The following BCL2L12 variants were observed in gnomAD, a reference collection of about 807,000 sequenced individuals.
The protein encoded by BCL2L12 is bcl-2-like protein 12.
BCL2L12 carries 27 observed loss-of-function variants against 25.7 expected under a neutral mutation model. The observed-to-expected ratio is 1.05, with a 90% CI of 0.78 to 1.45. The LOEUF (loss-of-function observed/expected upper bound fraction) is 1.45, where lower values mean the gene tolerates loss of function less well. Among genes scored for constraint, BCL2L12 ranks in the 40% most tolerant of loss-of-function variants. The probability of loss-of-function intolerance (pLI) is 0.00; values close to 1 mark genes in which losing one functional copy is unlikely to be tolerated. For synonymous variants in BCL2L12, 132 were observed against 145.6 expected, an observed-to-expected ratio of 0.91 and a Z score of 0.67; for missense variants, 302 against 329.8, an observed-to-expected ratio of 0.92 and a Z score of 0.65.
At position 49,672,370 on chromosome 19, in the gene BCL2L12, G is replaced by A. The variant is rs904792718; in HGVS notation, c.703-1328G>A. 2.0e-5 allele frequency among the ~76,000 whole-genome samples: 3 copies of A among 152,212 alleles called. No individual in the cohort carries two copies. The highest frequency in any genetic ancestry group is 1.9e-4 in the East Asian group (1 of 5,202). ...TAGGGCTACAGTAGGGTGAGCGGGCGACAGATGAGAGGAGGAGAGGCGCCG... is the reference window on the plus strand; with the variant it reads ...TAGGGCTACAGTAGGGTGAGCGGGCAACAGATGAGAGGAGGAGAGGCGCCG... On this transcript the variant is annotated intron_variant, in intron 6 of 6. Transcript: ENST00000246784. This position sits in a 1 kb window ranked among gnomAD's most constrained non-coding sequence, Gnocchi z 4.1.
In BCL2L12 at chr19:49,665,959, C is replaced by G. The variant is rs150028589; in HGVS notation, c.-117C>G. ...CTTTCTACGCTGGGCCGGTTATCGACCCGGCCCAGTGCGCAGGCGCGGGAA... is the reference window on the plus strand; with the variant it reads ...CTTTCTACGCTGGGCCGGTTATCGAGCCGGCCCAGTGCGCAGGCGCGGGAA... On this transcript the variant is annotated 5_prime_UTR_variant, in exon 1 of 7. Transcript: ENST00000246784. 1.2e-6 allele frequency: 2 copies of G among 1,613,528 alleles called. No homozygotes were observed. Among genetic ancestry groups the G allele is most frequent in the South Asian group, 1.1e-5 (1 of 91,040 alleles).
At chr19:49,666,562 C>G in intron 1 of BCL2L12, 123 bp from the exon 2 acceptor site, 2 of 678,240 alleles carry the variant, frequency 2.9e-6, no homozygotes, top group Non-Finnish European at 5.0e-6. Flanking sequence ...CAGACCCACA[C>G]TCTCCAAAGG....
intron 6 of BCL2L12, among the ~76,000 whole-genome samples, chr19:49,671,674 A>G (rs1342285155): frequency 1.3e-5 from 2 of 152,128 alleles, no homozygotes; most frequent in Non-Finnish European, 2.9e-5. Flanking sequence ...TGCTACCTCA[A>G]AGGGTCGCTC....
chr19:49,665,811 G>T (rs2081706657), upstream of BCL2L12: 1 of 1,579,860 alleles, frequency 6.3e-7, no homozygotes, highest in African/African-American at 1.4e-5. Flanking sequence ...TTGGGTAACA[G>T]ACCCAAAAGC....
upstream of BCL2L12, chr19:49,665,771 T>C: frequency 6.4e-7 from 1 of 1,551,084 alleles, no homozygotes; most frequent in Non-Finnish European, 8.7e-7. Context: ...TTTGATCGAC[T>C]TCTTGAAATA....
intron 6 of BCL2L12, among the ~76,000 whole-genome samples, chr19:49,673,396 AGACTCTCTTCCCCATCTCT>A (rs1157082465): frequency 6.6e-6 from 1 of 151,858 alleles, no homozygotes; most frequent in Non-Finnish European, 1.5e-5. Flanking sequence ...TCAAATCCCA[AGACTCTCTTCCCCATCTCT>A]GACTCTGTCC....
In BCL2L12 at chr19:49,669,099, A is replaced by T. The variant is rs1276734430; in HGVS notation, c.413A>T (p.Glu138Val). The T allele has an allele frequency of 6.2e-7, 1 of 1,614,046 alleles. No homozygotes were observed. Among genetic ancestry groups the T allele is most frequent in the South Asian group, 1.1e-5 (1 of 91,056 alleles). The change falls in exon 5 of 7, where the codon GAA (glutamate) becomes GTA (valine). Residue 138 changes from glutamate (E) to valine (V), a missense_variant. Transcript: ENST00000246784. The part of the protein sequence containing the change: ...RLVALLEEEA[E>V]VINQKLASDP... ...GTGGCCCTGCTGGAGGAGGAGGCAG[A>T]AGTCATTAACCAGAAGGTGATGGGC...
chr19:49,668,810 C>A, intron 3 of BCL2L12, 41 bp from the exon 4 acceptor site: 3 of 1,566,054 alleles, frequency 1.9e-6, no homozygotes, highest in Non-Finnish European at 2.6e-6. Context: ...CCGTAAGTTT[C>A]CAATGTCCTG....
intron 3 of BCL2L12, among the ~76,000 whole-genome samples, 169 bp downstream of exon 3, chr19:49,667,330 T>C (rs370500255): frequency 6.6e-6 from 1 of 152,168 alleles, no homozygotes; most frequent in Non-Finnish European, 1.5e-5. Context: ...ATTCTGTGGG[T>C]TGGCTTTCAG....
chr19:49,667,268 C>T, intron 3 of BCL2L12, 107 bp downstream of exon 3: 2 of 1,481,896 alleles, frequency 1.3e-6, no homozygotes, highest in Non-Finnish European at 1.8e-6. Flanking sequence ...TAGCACCAGC[C>T]TTCAGGACAG....
Position 49,665,980 on chromosome 19 carries a change from G to T in BCL2L12, c.-96G>T. The T allele has an allele frequency of 6.2e-7, 1 of 1,611,022 alleles. No individual in the cohort carries two copies. Among genetic ancestry groups the T allele is most frequent in the Non-Finnish European group, 8.5e-7 (1 of 1,178,442 alleles). ...TCGACCCGGCCCAGTGCGCAGGCGC[G>T]GGAAAGTTGAACTAATAAAGTTTGT... On this transcript the variant is annotated 5_prime_UTR_variant, in exon 1 of 7. Coordinates refer to ENST00000246784, the MANE Select transcript of BCL2L12 (RefSeq NM_138639.2).
At position 49,668,839 on chromosome 19, in the gene BCL2L12, T is replaced by C. The variant is rs2081886504; in HGVS notation, c.251-12T>C. On this transcript the variant is annotated splice_polypyrimidine_tract_variant and intron_variant, in intron 3 of 6. Coordinates refer to ENST00000246784, the MANE Select transcript of BCL2L12 (RefSeq NM_138639.2). ...TGTCCTGGAAACCTGTCATTAACTC[T>C]TTTCACCCCAGGCCCAGCTACTCCA... The C allele has an allele frequency of 6.2e-7, 1 of 1,610,478 alleles. No homozygotes were observed. The highest frequency in any genetic ancestry group is 1.7e-5 in the Admixed American group (1 of 59,962).
intron 6 of BCL2L12, 97 bp from the exon 7 acceptor site, chr19:49,673,601 G>A (rs1266731007): frequency 1.1e-5 from 12 of 1,048,404 alleles, no homozygotes; most frequent in East Asian, 4.8e-5. Context: ...CTGGTTCCTC[G>A]CCTTCCCGTC....
At chr19:49,673,590 T>A in intron 6 of BCL2L12, 108 bp from the exon 7 acceptor site, 1 of 946,152 alleles carries the variant, frequency 1.1e-6, no homozygotes, top group Non-Finnish European at 1.7e-6. Context: ...CCCTCCGCTC[T>A]CTGGTTCCTC....
In BCL2L12 at chr19:49,667,124, C is replaced by T. The variant is rs761125433; in HGVS notation, c.213C>T (p.Cys71=). 1 of 1,614,078 alleles carries T rather than the reference C, an allele frequency of 6.2e-7. No homozygotes were observed. Among genetic ancestry groups the T allele is most frequent in the South Asian group, 1.1e-5 (1 of 91,092 alleles). ...CCCCCTCTGAGTCCCCTCGGCCTTG[C>T]TCTCTGCCCATCCGCCCCTGCTATG... ...GAAPSESPRP[C]SLPIRPCYGL... Residue 71 remains cysteine, a synonymous_variant, in exon 3 of 7, where the codon TGC becomes TGT. Coordinates refer to ENST00000246784, the MANE Select transcript of BCL2L12 (RefSeq NM_138639.2).
upstream of BCL2L12, chr19:49,665,659 A>C (rs2081689414): frequency 1.1e-6 from 1 of 885,146 alleles, no homozygotes; most frequent in East Asian, 2.5e-5. Flanking sequence ...GCGTGCGGGC[A>C]GCTGGAACCC....
In BCL2L12 at chr19:49,672,046, A is replaced by G. The variant is rs183649673; in HGVS notation, c.702+1558A>G. On this transcript the variant is annotated intron_variant, in intron 6 of 6. Transcript: ENST00000246784. The surrounding 1 kb of genome is among the most constrained non-coding windows in gnomAD (Gnocchi z 4.1). ...TTCTTTGTTGGTGTCTCCCACCTCT[A>G]ACACATCAGCTTCAGGAGACCCAGA... 2 of 152,486 alleles carry G rather than the reference A, an allele frequency of 1.3e-5. No individual in the cohort carries two copies. Among genetic ancestry groups the G allele is most frequent in the South Asian group, 2.1e-4 (1 of 4,820 alleles). The allele number at this position is 152,486 out of a possible 1,614,324, so 9.4% of individuals were successfully genotyped here.
intron 6 of BCL2L12, 67 bp downstream of exon 6, chr19:49,670,555 G>C: frequency 6.6e-7 from 1 of 1,505,486 alleles, no homozygotes; most frequent in South Asian, 1.3e-5. Context: ...GAGGAGGGGC[G>C]GGGACTTCTT....
upstream of BCL2L12, chr19:49,665,705 C>G (rs2081697965): frequency 7.3e-7 from 1 of 1,374,912 alleles, no homozygotes; most frequent in African/African-American, 1.4e-5. Context: ...CTCTCAAACT[C>G]GAGGCTGCGC....
Sources: gnomAD v4.1 joint callset for allele counts (sites outside exome capture counted in the v4.1 genomes callset) on GRCh38, gnomAD v4.1.1 for gene constraint, Gnocchi (gnomAD v3.1) non-coding constraint, MANE v1.5 for transcripts, NCBI Gene and HGNC (gene_info 2026-07-23, HGNC 2026-07-21) for gene names.